The following CTBP1 variants were observed in gnomAD, a reference collection of about 807,000 sequenced individuals.
CTBP1 encodes the protein C-terminal-binding protein 1.
A neutral mutation model predicts 42.1 loss-of-function variants in CTBP1; 11 were observed. That is an observed-to-expected ratio of 0.26 (90% CI 0.16 to 0.43). CTBP1 has a LOEUF of 0.43. Among genes scored for constraint, CTBP1 ranks in the 20% least tolerant of loss-of-function variants. CTBP1 has a pLI of 1.00. For synonymous variants in CTBP1, 324 were observed against 277.1 expected (o/e 1.17, Z -1.68); for missense variants, 399 against 624.3 (o/e 0.64, Z 3.85).
chr4:1,241,650 C>G lies in CTBP1; in HGVS notation c.-188-131G>C. The G allele has an allele frequency of 2.2e-6, 3 of 1,344,088 alleles. No homozygotes were observed. The South Asian group carries it at 4.0e-5, about 18-fold the overall frequency. 83.3% of individuals were successfully genotyped at this position (1,344,088 alleles called of 1,614,324 possible). A position where few individuals can be genotyped will look rare whatever the true frequency, so the allele number is the denominator to read the frequency against. On this transcript the variant is annotated intron_variant, in intron 1 of 9. Transcript: ENST00000382952. Reference sequence around the variant, plus strand: ...ACCCGGGACTGCTGTCTGGGACCTACCTGGACTCGGGGGCCTGCTGACAGC... The same window carrying G: ...ACCCGGGACTGCTGTCTGGGACCTAGCTGGACTCGGGGGCCTGCTGACAGC...
At position 1,244,984 on chromosome 4, in the gene CTBP1, G is replaced by A. The variant is rs3775097; in HGVS notation, c.-188-3465C>T. On this transcript the variant is annotated intron_variant, in intron 1 of 9. Coordinates refer to ENST00000382952, the MANE Select transcript of CTBP1 (RefSeq NM_001012614.2). ...GGCCCTGCCCTGCAATGGCAGAGAA[G>A]GCAGGCCCCCAAGAGGGAGCCGCAC... 2.6e-4 allele frequency: 258 copies of A among 985,462 alleles called. 1 individual carries two copies. The East Asian group carries it at 0.025, about 95-fold the overall frequency. 61.0% of individuals were successfully genotyped at this position (985,462 alleles called of 1,614,324 possible).
chr4:1,246,793 G>A (rs1732764000), intron 1 of CTBP1, among the ~76,000 whole-genome samples: 1 of 152,224 alleles, frequency 6.6e-6, no homozygotes, highest in Non-Finnish European at 1.5e-5. Context: ...CTCGAGCCTG[G>A]GGCCCGTTTC....
At chr4:1,214,302 G>A (rs779656097) in intron 7 of CTBP1, 41 bp downstream of exon 7, 8 of 1,516,974 alleles carry the variant, frequency 5.3e-6, no homozygotes, top group Admixed American at 2.4e-5. Flanking sequence ...CAGGATGGTG[G>A]ACAGGGAAGA....
At chr4:1,225,638 G>T in intron 4 of CTBP1, 72 bp from the exon 5 acceptor site, 2 of 1,434,126 alleles carry the variant, frequency 1.4e-6, no homozygotes, top group South Asian at 1.3e-5. Flanking sequence ...GGGCCGCCGT[G>T]ACTGGAGCGG....
chr4:1,239,745 G>A (rs948913567), intron 2 of CTBP1, among the ~76,000 whole-genome samples: 5 of 152,210 alleles, frequency 3.3e-5, no homozygotes, highest in Admixed American at 6.5e-5. Context: ...TGAGGTCCTC[G>A]CGCCCTGGCG....
At chr4:1,244,066 C>G in intron 1 of CTBP1, 2 of 985,406 alleles carry the variant, frequency 2.0e-6, no homozygotes, top group Non-Finnish European at 2.4e-6. Flanking sequence ...GCAGCAGCCC[C>G]CAGGTTCTCT....
At chr4:1,244,665 G>C (rs1434826620) in intron 1 of CTBP1, 16 of 985,268 alleles carry the variant, frequency 1.6e-5, no homozygotes, top group Non-Finnish European at 1.9e-5. Flanking sequence ...ACCACCAGAA[G>C]GGCACCCTAA....
rs1729126034 is a variant in CTBP1 at position 1,216,434 on chromosome 4, C to A, written c.515-229G>T. On this transcript the variant is annotated intron_variant, in intron 5 of 9. Coordinates refer to ENST00000382952, the MANE Select transcript of CTBP1 (RefSeq NM_001012614.2). ...GAGATGCACAGGGGTGGAAAGGGTA[C>A]ACTAGCCCCTCGGCCCACACCAGCT... The A allele has an allele frequency of 3.3e-6, 2 of 599,106 alleles. 1 individual carries two copies. Among genetic ancestry groups the A allele is most frequent in the Admixed American group, 6.0e-5 (2 of 33,428 alleles). 37.1% of individuals were successfully genotyped at this position (599,106 alleles called of 1,614,324 possible).
At chr4:1,243,723 G>A (rs1280643423) in intron 1 of CTBP1, 3 of 985,358 alleles carry the variant, frequency 3.0e-6, no homozygotes, top group Admixed American at 1.2e-4. Context: ...GCCGGTCAGG[G>A]TCAAGGGCTC....
At chr4:1,227,827 G>A (rs1343470387) in intron 4 of CTBP1, among the ~76,000 whole-genome samples, 1 of 152,230 alleles carries the variant, frequency 6.6e-6, no homozygotes, top group Non-Finnish European at 1.5e-5. Context: ...GCAACACGCT[G>A]CTGTTCCCGC....
chr4:1,238,917 G>C lies in CTBP1; in HGVS notation c.8-580C>G, dbSNP rs1560275935. On this transcript the variant is annotated intron_variant, in intron 2 of 9. Transcript: ENST00000382952. The surrounding 1 kb of genome is among the most constrained non-coding windows in gnomAD (Gnocchi z 5.9). Reference sequence around the variant, plus strand: ...ACAAGATGACAGCACGGGACTTTGGGAACATGGTTGTCCCTTTCCTGCCTG... The same window carrying C: ...ACAAGATGACAGCACGGGACTTTGGCAACATGGTTGTCCCTTTCCTGCCTG... Among the ~76,000 whole-genome samples, 1 of 152,144 alleles carries C rather than the reference G, an allele frequency of 6.6e-6. No homozygotes were observed. Among genetic ancestry groups the C allele is most frequent in the Non-Finnish European group, 1.5e-5 (1 of 68,030 alleles).
At chr4:1,227,242 CTGTG>C (rs1296982457) in intron 4 of CTBP1, among the ~76,000 whole-genome samples, 1 of 151,406 alleles carries the variant, frequency 6.6e-6, no homozygotes, top group East Asian at 2.0e-4. Context: ...TGCATGTGTT[CTGTG>C]TGATGAGCAT....
At chr4:1,216,362 C>A in intron 5 of CTBP1, 157 bp from the exon 6 acceptor site, 1 of 713,026 alleles carries the variant, frequency 1.4e-6, no homozygotes, top group East Asian at 2.7e-5. Context: ...GCACGCTCCA[C>A]ACGAGCGCTC....
At chr4:1,242,493 G>A (rs1395971194) in intron 1 of CTBP1, 1 of 984,968 alleles carries the variant, frequency 1.0e-6, no homozygotes, top group Non-Finnish European at 1.2e-6. Context: ...CCCCTGCGCA[G>A]AGGCCTCGCA....
At chr4:1,248,860 A>ACCCCCCCC in intron 1 of CTBP1, 56 bp downstream of exon 1, 1 of 562,298 alleles carries the variant, frequency 1.8e-6, no homozygotes, top group Non-Finnish European at 2.2e-6. Flanking sequence ...CCCGCGCGGC[A>ACCCCCCCC]CCCGCCCCGC....
chr4:1,239,893 G>A (rs1264351861), intron 2 of CTBP1, among the ~76,000 whole-genome samples: 3 of 152,222 alleles, frequency 2.0e-5, no homozygotes, highest in Admixed American at 1.3e-4. Flanking sequence ...AGCTGCCCAC[G>A]AGCACCATAG....
chr4:1,240,805 G>A (rs1276569351), intron 2 of CTBP1, among the ~76,000 whole-genome samples: 1 of 152,156 alleles, frequency 6.6e-6, no homozygotes, highest in African/African-American at 2.4e-5. Context: ...TTGCAGGCTT[G>A]GGGACACACC....
rs1024218483 is a variant in CTBP1, at chr4:1,215,439, C to T, written c.729+552G>A. On this transcript the variant is annotated intron_variant, in intron 6 of 9. Transcript: ENST00000382952. ...GACTCCCTGAAGGGCCTGGAGCCAG[C>T]GGGAGGCAGCCATCCCCAGCTCCAC... 1.5e-5 allele frequency: 3 copies of T among 202,910 alleles called. No individual in the cohort carries two copies. The South Asian group carries it at 2.5e-4, about 17-fold the overall frequency. 12.6% of individuals were successfully genotyped at this position (202,910 alleles called of 1,614,324 possible). A position where few individuals can be genotyped will look rare whatever the true frequency, so the allele number is the denominator to read the frequency against.
In CTBP1 at chr4:1,233,474, G is replaced by A. The variant is rs1478326633; in HGVS notation, c.162+4709C>T. Among the ~76,000 whole-genome samples the A allele has an allele frequency of 2.6e-5, 4 of 152,142 alleles. No individual in the cohort carries two copies. The highest frequency in any genetic ancestry group is 6.5e-5 in the Admixed American group (1 of 15,284). ...CTGCGTCCTGTGCCCTCCCGGAGCC[G>A]CCCTGCCGCTCCAGGCCCCGCAGCC... On this transcript the variant is annotated intron_variant, in intron 3 of 9. Transcript: ENST00000382952. This position sits in a 1 kb window ranked among gnomAD's most constrained non-coding sequence, Gnocchi z 4.6.
Sources: allele counts gnomAD v4.1 joint callset (sites outside exome capture counted in the v4.1 genomes callset), GRCh38; gene constraint gnomAD v4.1.1; non-coding constraint Gnocchi (gnomAD v3.1); transcripts MANE v1.5; gene names NCBI Gene and HGNC (gene_info 2026-07-23, HGNC 2026-07-21).